Variants in LPAR3 observed in about 807,000 individuals in gnomAD.
The protein encoded by LPAR3 is LPA receptor 3.
A neutral mutation model predicts 17.8 loss-of-function variants in LPAR3; 7 were observed. That is an observed-to-expected ratio of 0.39 (90% CI 0.22 to 0.74). The LOEUF is 0.74. Ranked by LOEUF, LPAR3 falls within the 30% of genes least tolerant of loss-of-function variation. The pLI, the probability that LPAR3 is intolerant of heterozygous loss-of-function variation, is 0.40. For synonymous variants in LPAR3, 179 were observed against 179.9 expected, an observed-to-expected ratio of 0.99 and a Z score of 0.04; for missense variants, 391 against 453.4, an observed-to-expected ratio of 0.86 and a Z score of 1.25.
At chr1:84,877,540 T>C (rs1660281663) in intron 1 of LPAR3, among the ~76,000 whole-genome samples, 1 of 152,196 alleles carries the variant, frequency 6.6e-6, no homozygotes, top group Admixed American at 6.5e-5. Context: ...CACTGTAGCA[T>C]TCTTAACCTC....
chr1:84,832,678 C>G (rs1337713100), intron 2 of LPAR3, among the ~76,000 whole-genome samples: 2 of 152,116 alleles, frequency 1.3e-5, no homozygotes, highest in Admixed American at 1.3e-4. Context: ...TCCCTTGGTG[C>G]CGTAGTAACA....
At chr1:84,861,589 T>C (rs1659942673) in intron 2 of LPAR3, among the ~76,000 whole-genome samples, 1 of 152,226 alleles carries the variant, frequency 6.6e-6, no homozygotes, top group Non-Finnish European at 1.5e-5. Context: ...ATCACCCTTG[T>C]AGAAAATGAA....
At chr1:84,814,763 A>G (rs1658900568) in intron 2 of LPAR3, among the ~76,000 whole-genome samples, 1 of 152,212 alleles carries the variant, frequency 6.6e-6, no homozygotes, top group Admixed American at 6.5e-5. Context: ...AGTAAGCACT[A>G]TATTCTTTTT....
Position 84,874,328 on chromosome 1 carries a change from T to C in LPAR3, c.-18-8190A>G, listed in dbSNP as rs180966363. ...ACAGGTTCTTGTGTCAGTGCAAGTT[T>C]TGGAGACCTTTAGGCAGGGAGGACA... On this transcript the variant is annotated intron_variant, in intron 1 of 2. Coordinates refer to ENST00000370611, the MANE Select transcript of LPAR3 (RefSeq NM_012152.3). 4.4e-3 allele frequency among the ~76,000 whole-genome samples: 672 copies of C among 152,274 alleles called. 3 individuals are homozygous for C. Among genetic ancestry groups the C allele is most frequent in the South Asian group, 0.011 (51 of 4,820 alleles).
At chr1:84,891,937 G>A (rs1169570230) in intron 1 of LPAR3, among the ~76,000 whole-genome samples, 2 of 152,056 alleles carry the variant, frequency 1.3e-5, no homozygotes, top group Admixed American at 1.3e-4. Context: ...GACCTAGCCG[G>A]GCGCAGTGGC....
intron 1 of LPAR3, among the ~76,000 whole-genome samples, chr1:84,880,853 G>A (rs1305521706): frequency 6.6e-6 from 1 of 152,208 alleles, no homozygotes; most frequent in Non-Finnish European, 1.5e-5. Flanking sequence ...GGACTTCCCA[G>A]GGGACAAAGA....
intron 2 of LPAR3, among the ~76,000 whole-genome samples, chr1:84,832,141 C>T (rs1029217022): frequency 1.3e-4 from 20 of 152,094 alleles, no homozygotes; most frequent in Non-Finnish European, 2.5e-4. Flanking sequence ...GGACCACCTG[C>T]GCTAACAGTG....
At chr1:84,826,430 A>C (rs958230759) in intron 2 of LPAR3, among the ~76,000 whole-genome samples, 1 of 151,994 alleles carries the variant, frequency 6.6e-6, no homozygotes, top group Non-Finnish European at 1.5e-5. Context: ...TTATTTTTTT[A>C]ATCTTAAATT....
At chr1:84,842,236 T>C (rs1659517323) in intron 2 of LPAR3, among the ~76,000 whole-genome samples, 1 of 152,234 alleles carries the variant, frequency 6.6e-6, no homozygotes, top group African/African-American at 2.4e-5. Context: ...GTATAGTTAA[T>C]ACATTGAATG....
intron 1 of LPAR3, among the ~76,000 whole-genome samples, chr1:84,873,552 G>A (rs1660197131): frequency 6.6e-6 from 1 of 152,120 alleles, no homozygotes; most frequent in Admixed American, 6.5e-5. Flanking sequence ...CATTGTAACT[G>A]AGAATGAGAT....
intron 2 of LPAR3, among the ~76,000 whole-genome samples, chr1:84,842,678 A>AT (rs1659525704): frequency 6.6e-6 from 1 of 152,282 alleles, no homozygotes; most frequent in Non-Finnish European, 1.5e-5. Context: ...AAGTAAGCAC[A>AT]TTTTTTCTTT....
At chr1:84,873,587 G>A (rs1375096275) in intron 1 of LPAR3, among the ~76,000 whole-genome samples, 5 of 152,138 alleles carry the variant, frequency 3.3e-5, no homozygotes, top group East Asian at 1.9e-4. Context: ...TGGATAAAGC[G>A]AATATGTTTA....
chr1:84,878,579 A>C (rs1489218874), intron 1 of LPAR3, among the ~76,000 whole-genome samples: 1 of 152,156 alleles, frequency 6.6e-6, no homozygotes, highest in Non-Finnish European at 1.5e-5. Flanking sequence ...TGGAGCTAAA[A>C]GAAGAAGAAA....
intron 2 of LPAR3, among the ~76,000 whole-genome samples, chr1:84,830,678 A>G (rs1659266279): frequency 2.0e-5 from 3 of 152,218 alleles, no homozygotes; most frequent in South Asian, 4.1e-4. Context: ...TAGGTGTTCA[A>G]CTTTCAGAGA....
intron 2 of LPAR3, among the ~76,000 whole-genome samples, chr1:84,818,392 C>G (rs896701789): frequency 6.6e-6 from 1 of 151,904 alleles, no homozygotes; most frequent in African/African-American, 2.4e-5. Flanking sequence ...ACTTTCATGA[C>G]AAAAAAATCA....
chr1:84,859,566 G>GCA (rs964179686), intron 2 of LPAR3, among the ~76,000 whole-genome samples: 4 of 152,038 alleles, frequency 2.6e-5, no homozygotes, highest in African/African-American at 9.7e-5. Context: ...TCACAACCCA[G>GCA]CACACACACA....
chr1:84,820,778 T>C (rs1659037458), intron 2 of LPAR3, among the ~76,000 whole-genome samples: 1 of 151,988 alleles, frequency 6.6e-6, no homozygotes, highest in African/African-American at 2.4e-5. Flanking sequence ...ATGGTGTGAG[T>C]TATGTACCAC....
rs541055905 is a variant in LPAR3, at chr1:84,882,507, A to G, written c.-19+10509T>C. On this transcript the variant is annotated intron_variant, in intron 1 of 2. Transcript: ENST00000370611. ...AAAATCCTAAAATTCATCTGGAACT[A>G]CAAAGGACCCTGAATAGCTAAAACA... 5.3e-5 allele frequency among the ~76,000 whole-genome samples: 8 copies of G among 152,330 alleles called. No individual in the cohort carries two copies. In the South Asian group the frequency reaches 1.5e-3, roughly 28 times the overall value.
intron 1 of LPAR3, among the ~76,000 whole-genome samples, chr1:84,879,798 G>A (rs1400162663): frequency 1.3e-5 from 2 of 152,024 alleles, no homozygotes; most frequent in Admixed American, 1.3e-4. Flanking sequence ...AACAATGAAG[G>A]TGCCCTCCTC....
Sources: gnomAD v4.1 joint callset for allele counts (sites outside exome capture counted in the v4.1 genomes callset) on GRCh38, gnomAD v4.1.1 for gene constraint, MANE v1.5 for transcripts, NCBI Gene and HGNC (gene_info 2026-07-23, HGNC 2026-07-21) for gene names.